MYO3B: variants seen among roughly 807,000 people sequenced by gnomAD.
MYO3B encodes myosin-IIIb.
MYO3B carries 156 observed loss-of-function variants against 174.6 expected under a neutral mutation model. The ratio of observed to expected loss-of-function variants is 0.89; its 90% confidence interval spans 0.78 to 1.02. The LOEUF (loss-of-function observed/expected upper bound fraction) is 1.02, where lower values mean the gene tolerates loss of function less well. MYO3B is among the 50% of genes least tolerant of loss of function. The pLI is 0.00. For synonymous variants in MYO3B, 563 were observed against 569.1 expected (o/e 0.99, Z 0.15); for missense variants, 1,632 against 1,639.4 (o/e 1.00, Z 0.08).
intron 6 of MYO3B, among the ~76,000 whole-genome samples, chr2:170,229,016 T>C (rs574205946): frequency 4.0e-5 from 6 of 151,654 alleles, no homozygotes; most frequent in African/African-American, 1.2e-4. Context: ...CTTGAAATTA[T>C]GTATCATCAT....
rs1023783504 is a variant in MYO3B, at chr2:170,553,580, G to A, written c.3733+9592G>A. Among the ~76,000 whole-genome samples, 3 of 9,310 alleles carry A rather than the reference G, an allele frequency of 3.2e-4. No individual in the cohort carries two copies. In the African/African-American group the frequency reaches 3.8e-3, roughly 12 times the overall value. The allele number at this position is 9,310 out of a possible 152,430, so 6.1% of individuals were successfully genotyped here. A position where few individuals can be genotyped will look rare whatever the true frequency, so the allele number is the denominator to read the frequency against. On this transcript the variant is annotated intron_variant, in intron 32 of 34. Coordinates refer to ENST00000408978, the MANE Select transcript of MYO3B (RefSeq NM_138995.5). The stretch of plus-strand genomic sequence containing the variant: ...TTTTTGGTTTTACAGGCTTATAGGT[G>A]GAAGGGACTTGCCTTGCCTCAGATA...
intron 32 of MYO3B, among the ~76,000 whole-genome samples, chr2:170,561,173 G>C (rs1691686734): frequency 6.6e-6 from 1 of 152,094 alleles, no homozygotes; most frequent in Non-Finnish European, 1.5e-5. Context: ...TTAACACTGG[G>C]AGGGCACTGG....
At chr2:170,339,180 G>T (rs189079778) in intron 8 of MYO3B, among the ~76,000 whole-genome samples, 1 of 152,298 alleles carries the variant, frequency 6.6e-6, no homozygotes, top group Admixed American at 6.5e-5. Flanking sequence ...GAGGGACTGG[G>T]CTGGAGAAGA....
intron 23 of MYO3B, among the ~76,000 whole-genome samples, chr2:170,458,721 G>C (rs538568241): frequency 6.6e-5 from 10 of 152,202 alleles, no homozygotes; most frequent in Admixed American, 2.0e-4. Context: ...CTGATACAGA[G>C]AGAGGTCTAG....
At chr2:170,316,978 G>A (rs2093780295) in intron 7 of MYO3B, among the ~76,000 whole-genome samples, 1 of 152,176 alleles carries the variant, frequency 6.6e-6, no homozygotes, top group East Asian at 1.9e-4. Context: ...GTGGCCATTG[G>A]ATGGAAACAT....
intron 6 of MYO3B, among the ~76,000 whole-genome samples, chr2:170,218,599 T>C (rs995324282): frequency 6.6e-6 from 1 of 152,224 alleles, no homozygotes; most frequent in Non-Finnish European, 1.5e-5. Context: ...ACCATGCGGC[T>C]ACTCAGTTCT....
chr2:170,349,298 G>C (rs550565848), intron 8 of MYO3B, among the ~76,000 whole-genome samples: 2 of 152,236 alleles, frequency 1.3e-5, no homozygotes, highest in South Asian at 4.1e-4. Context: ...TGGGGAGAGA[G>C]GGAGCATGTC....
At chr2:170,387,409 C>T (rs1250714031) in intron 14 of MYO3B, 101 bp downstream of exon 14, 2 of 1,052,104 alleles carry the variant, frequency 1.9e-6, no homozygotes, top group East Asian at 4.9e-5. Flanking sequence ...CTTAACATTC[C>T]CCTACCCTCC....
At chr2:170,317,492 A>G (rs1355213775) in intron 7 of MYO3B, among the ~76,000 whole-genome samples, 1 of 152,146 alleles carries the variant, frequency 6.6e-6, no homozygotes, top group African/African-American at 2.4e-5. Context: ...ACATGGAGTT[A>G]GGGCCATTTT....
intron 12 of MYO3B, among the ~76,000 whole-genome samples, chr2:170,384,484 G>A (rs2094358743): frequency 6.6e-6 from 1 of 152,108 alleles, no homozygotes. Flanking sequence ...AATTTTCTGA[G>A]GGTATCAATG....
At chr2:170,486,279 T>A (rs1445885583) in intron 25 of MYO3B, among the ~76,000 whole-genome samples, 1 of 151,612 alleles carries the variant, frequency 6.6e-6, no homozygotes, top group Non-Finnish European at 1.5e-5. Flanking sequence ...ACATCTATTT[T>A]AAAAATCACA....
intron 32 of MYO3B, among the ~76,000 whole-genome samples, chr2:170,548,973 T>A (rs62168184): frequency 0.22 from 33,975 of 152,168 alleles, 4,771 homozygotes; most frequent in Non-Finnish European, 0.32. Flanking sequence ...ATCTTTGCTA[T>A]GGTCTAAAAA....
chr2:170,400,530 G>C (rs1454129605), intron 17 of MYO3B, among the ~76,000 whole-genome samples: 1 of 151,282 alleles, frequency 6.6e-6, no homozygotes, highest in Non-Finnish European at 1.5e-5. Flanking sequence ...TCAGCCTCCA[G>C]AGTAGCTTGG....
At chr2:170,599,766 G>A (rs1694384480) in intron 32 of MYO3B, among the ~76,000 whole-genome samples, 1 of 152,064 alleles carries the variant, frequency 6.6e-6, no homozygotes, top group Non-Finnish European at 1.5e-5. Flanking sequence ...AACAAAAAAA[G>A]TTCTTTTTGA....
rs778519792 is a variant in MYO3B, at chr2:170,383,068, C to G, written c.1069-5C>G. On this transcript the variant is annotated splice_polypyrimidine_tract_variant and splice_region_variant and intron_variant, in intron 10 of 34. Transcript: ENST00000408978. ...TTACCTCAATACCATTTATCCTCTT[C>G]TTAGGATACAATTATCCATCAGTTG... The G allele has an allele frequency of 5.0e-5, 78 of 1,554,640 alleles. No homozygotes were observed. The highest frequency in any genetic ancestry group is 1.7e-4 in the Middle Eastern group (1 of 5,968).
intron 25 of MYO3B, among the ~76,000 whole-genome samples, chr2:170,491,897 T>C (rs1442623311): frequency 1.3e-5 from 2 of 152,066 alleles, no homozygotes; most frequent in African/African-American, 2.4e-5. Context: ...CTACTAAAAA[T>C]ACAAAAATTA....
At chr2:170,268,977 G>A (rs1299010098) in intron 7 of MYO3B, among the ~76,000 whole-genome samples, 3 of 152,120 alleles carry the variant, frequency 2.0e-5, no homozygotes, top group Admixed American at 1.3e-4. Flanking sequence ...CATGATTCAG[G>A]TAAGAAAAGT....
intron 22 of MYO3B, among the ~76,000 whole-genome samples, chr2:170,429,775 A>G (rs1423541425): frequency 6.6e-6 from 1 of 152,058 alleles, no homozygotes; most frequent in Non-Finnish European, 1.5e-5. Flanking sequence ...ACTACTCTTC[A>G]GTTTTTGTTT....
rs780154581 is a variant in MYO3B, at chr2:170,466,627, T to C, written c.2930T>C (p.Leu977Pro). The C allele has an allele frequency of 1.2e-6, 2 of 1,614,206 alleles. No individual in the cohort carries two copies. Among genetic ancestry groups the C allele is most frequent in the Admixed American group, 1.7e-5 (1 of 60,016 alleles). The change falls in exon 25 of 35, where the codon CTC becomes CCC. Residue 977 changes from leucine to proline, a missense_variant. By Grantham distance (98) the Leu-to-Pro change is moderately conservative. Coordinates refer to ENST00000408978, the MANE Select transcript of MYO3B (RefSeq NM_138995.5). ...QFSRERVLAQ[L>P]RSTGILETVS... ...TCTCGAGAGAGGGTGCTGGCCCAGC[T>C]CCGCTCCACAGGGATTCTGGAGACA... is the stretch of plus-strand genomic sequence containing the variant.
Sources: allele counts gnomAD v4.1 joint callset (sites outside exome capture counted in the v4.1 genomes callset), GRCh38; gene constraint gnomAD v4.1.1; transcripts MANE v1.5; gene names NCBI Gene and HGNC (gene_info 2026-07-23, HGNC 2026-07-21).